HIBCH: variants seen among roughly 807,000 people sequenced by gnomAD.
The protein encoded by HIBCH is 3-hydroxyisobutyryl-CoA hydrolase.
In HIBCH, 50 loss-of-function variants were observed where a neutral mutation model predicts 58.2. The observed-to-expected ratio is 0.86, with a 90% CI of 0.68 to 1.09. The LOEUF is 1.09. Among genes scored for constraint, HIBCH ranks in the 50% least tolerant of loss-of-function variants. HIBCH has a pLI of 0.00. For synonymous variants in HIBCH, 151 were observed against 146.9 expected, an observed-to-expected ratio of 1.03 and a Z score of -0.20; for missense variants, 450 against 449.7, an observed-to-expected ratio of 1.00 and a Z score of -0.01.
chr2:190,192,129 AAAGTAT>A (rs1689738868), intron 1 of HIBCH, among the ~76,000 whole-genome samples: 1 of 152,108 alleles, frequency 6.6e-6, no homozygotes, highest in Non-Finnish European at 1.5e-5. Flanking sequence ...ATTTTTCTAT[AAAGTAT>A]AAGGTATAAG....
intron 6 of HIBCH, among the ~76,000 whole-genome samples, chr2:190,283,876 A>C (rs1191634487): frequency 1.3e-5 from 2 of 152,374 alleles, no homozygotes; most frequent in South Asian, 2.1e-4. Context: ...AACTAGTACC[A>C]TTCGAGAAGC....
At position 190,215,980 on chromosome 2, in the gene HIBCH, T is replaced by C. The variant is rs562424337; in HGVS notation, c.892-2905A>G. On this transcript the variant is annotated intron_variant, in intron 11 of 13. Transcript: ENST00000359678. This position sits in a 1 kb window ranked among gnomAD's most constrained non-coding sequence, Gnocchi z 4.4. ...GAGAGAGAAAGAGGAAGAAACTGAG[T>C]TTGAGGGAAAAAGGAAACAGGGGAT... is the stretch of plus-strand genomic sequence containing the variant. The C allele has an allele frequency of 6.6e-6, 1 of 151,134 alleles. No individual in the cohort carries two copies. Among genetic ancestry groups the C allele is most frequent in the South Asian group, 2.1e-4 (1 of 4,762 alleles). 9.4% of individuals were successfully genotyped at this position (151,134 alleles called of 1,614,324 possible). A position where few individuals can be genotyped will look rare whatever the true frequency, so the allele number is the denominator to read the frequency against.
chr2:190,208,825 C>T (rs779760033), intron 13 of HIBCH, 55 bp downstream of exon 13: 1 of 1,444,308 alleles, frequency 6.9e-7, no homozygotes, highest in South Asian at 1.1e-5. Context: ...TAATTAACAG[C>T]ATATGCTCAC....
At chr2:190,311,167 A>T (rs1179453054) in intron 1 of HIBCH, among the ~76,000 whole-genome samples, 1 of 152,226 alleles carries the variant, frequency 6.6e-6, no homozygotes, top group Non-Finnish European at 1.5e-5. Flanking sequence ...ACTACTAAGC[A>T]AAAGAAGCCA....
chr2:190,282,609 G>T (rs1687731319), intron 6 of HIBCH, among the ~76,000 whole-genome samples: 1 of 152,098 alleles, frequency 6.6e-6, no homozygotes, highest in South Asian at 2.1e-4. Flanking sequence ...ACCTCAACAT[G>T]GGTTTTGGTG....
At chr2:190,312,180 T>C (rs558312025) in intron 1 of HIBCH, among the ~76,000 whole-genome samples, 1 of 152,292 alleles carries the variant, frequency 6.6e-6, no homozygotes, top group Admixed American at 6.5e-5. Flanking sequence ...TCGATCCAGG[T>C]GCTGGTGATT....
At chr2:190,202,275 G>GTA (rs1690267778), downstream of HIBCH, 1 of 166,922 alleles carries the variant, frequency 6.0e-6, no homozygotes, top group South Asian at 2.1e-4. Context: ...TTTTAATAGA[G>GTA]TACAATATCT....
intron 7 of HIBCH, among the ~76,000 whole-genome samples, chr2:190,257,745 C>T (rs1456248353): frequency 6.6e-6 from 1 of 152,076 alleles, no homozygotes; most frequent in Non-Finnish European, 1.5e-5. Flanking sequence ...CTTGGTGCAT[C>T]ATCCCACGGC....
intron 1 of HIBCH, among the ~76,000 whole-genome samples, chr2:190,314,330 T>C (rs1559068406): frequency 0.012 from 21 of 1,686 alleles, no homozygotes; most frequent in African/African-American, 0.02. Flanking sequence ...TGTATATATG[T>C]ATATATACAT....
chr2:190,221,247 C>T (rs928679295), intron 11 of HIBCH, among the ~76,000 whole-genome samples: 1 of 152,154 alleles, frequency 6.6e-6, no homozygotes, highest in African/African-American at 2.4e-5. Flanking sequence ...TTGGACTCTA[C>T]CGTCAGAGAG....
chr2:190,208,651 G>A, intron 13 of HIBCH: 1 of 572,886 alleles, frequency 1.7e-6, no homozygotes, highest in Non-Finnish European at 3.1e-6. Context: ...CTTGGGATCA[G>A]AAGTGTTTCA....
At chr2:190,251,878 G>C (rs1396985014) in intron 8 of HIBCH, among the ~76,000 whole-genome samples, 1 of 151,928 alleles carries the variant, frequency 6.6e-6, no homozygotes, top group African/African-American at 2.4e-5. Context: ...CTTAAGGTAG[G>C]CATGATTTTT....
At chr2:190,285,674 A>C (rs976473974) in intron 6 of HIBCH, among the ~76,000 whole-genome samples, 1 of 152,018 alleles carries the variant, frequency 6.6e-6, no homozygotes, top group African/African-American at 2.4e-5. Context: ...CTACCTACCT[A>C]GGCTCTACCT....
chr2:190,218,914 A>G (rs1398851646), intron 11 of HIBCH, among the ~76,000 whole-genome samples: 3 of 152,244 alleles, frequency 2.0e-5, no homozygotes, highest in African/African-American at 7.2e-5. Flanking sequence ...GACAGAGTTC[A>G]GTAAGCCCGT....
intron 1 of HIBCH, 56 bp downstream of exon 1, chr2:190,319,660 C>A: frequency 6.8e-7 from 1 of 1,463,072 alleles, no homozygotes; most frequent in Non-Finnish European, 9.6e-7. Flanking sequence ...GCCCTTTTCC[C>A]ACTGTGGCGA....
chr2:190,293,685 T>C (rs1317025487), intron 4 of HIBCH, among the ~76,000 whole-genome samples: 1 of 152,020 alleles, frequency 6.6e-6, no homozygotes, highest in Admixed American at 6.6e-5. Context: ...CAAAGACTGT[T>C]GTCTTAATAC....
chr2:190,220,210 T>C (rs1306918441), intron 11 of HIBCH: 1 of 152,248 alleles, frequency 6.6e-6, no homozygotes, highest in Non-Finnish European at 1.5e-5. Flanking sequence ...GTACATCTGA[T>C]GCCTGTGCTT....
downstream of HIBCH, chr2:190,202,441 A>G (rs1452059665): frequency 6.0e-6 from 1 of 167,046 alleles, no homozygotes; most frequent in Admixed American, 6.5e-5. Context: ...ACAAATGAAA[A>G]AAGATGAATA....
intron 6 of HIBCH, among the ~76,000 whole-genome samples, chr2:190,274,468 T>C (rs1257007805): frequency 6.6e-6 from 1 of 152,236 alleles, no homozygotes; most frequent in Non-Finnish European, 1.5e-5. Flanking sequence ...ACGCTCATTA[T>C]TTTTATTCCA....
Sources: allele counts gnomAD v4.1 joint callset (sites outside exome capture counted in the v4.1 genomes callset), GRCh38; gene constraint gnomAD v4.1.1; non-coding constraint Gnocchi (gnomAD v3.1); transcripts MANE v1.5; gene names NCBI Gene and HGNC (gene_info 2026-07-23, HGNC 2026-07-21).